DOCK1: variants seen among roughly 807,000 people sequenced by gnomAD.
DOCK1 encodes the protein dedicator of cytokinesis 1.
A neutral mutation model predicts 262.7 loss-of-function variants in DOCK1; 138 were observed. The ratio of observed to expected loss-of-function variants is 0.53; its 90% CI spans 0.46 to 0.61. The LOEUF is 0.61. Ranked by LOEUF, DOCK1 falls within the 20% of genes least tolerant of loss-of-function variation. DOCK1 has a pLI of 0.00. For missense variants in DOCK1, 1,908 were observed against 2,370.7 expected, an observed-to-expected ratio of 0.80 and a Z score of 4.05; for synonymous variants, 866 against 867.4, an observed-to-expected ratio of 1.00 and a Z score of 0.03.
At chr10:127,332,050 A>T (rs2063006617) in intron 29 of DOCK1, among the ~76,000 whole-genome samples, 2 of 152,116 alleles carry the variant, frequency 1.3e-5, no homozygotes, top group Admixed American at 1.3e-4. Flanking sequence ...AGGATTTCTT[A>T]CCTTTGGCCC....
At chr10:127,382,403 C>T (rs546950106) in intron 37 of DOCK1, among the ~76,000 whole-genome samples, 1 of 152,302 alleles carries the variant, frequency 6.6e-6, no homozygotes, top group East Asian at 1.9e-4. Flanking sequence ...CCCTAGAGAC[C>T]TGCGAGTATG....
At chr10:127,406,117 G>T (rs926516678) in intron 40 of DOCK1, among the ~76,000 whole-genome samples, 1 of 152,160 alleles carries the variant, frequency 6.6e-6, no homozygotes, top group African/African-American at 2.4e-5. Flanking sequence ...AAGCCATGCA[G>T]CCTTGTGCAG....
intron 49 of DOCK1, among the ~76,000 whole-genome samples, chr10:127,441,303 G>A (rs989443324): frequency 2.0e-5 from 3 of 152,166 alleles, no homozygotes; most frequent in African/African-American, 7.2e-5. Context: ...GCAGCCCCAC[G>A]AGGGCTGCCT....
At chr10:127,301,387 C>T (rs556880047) in intron 29 of DOCK1, among the ~76,000 whole-genome samples, 2 of 152,196 alleles carry the variant, frequency 1.3e-5, no homozygotes, top group Admixed American at 6.5e-5. Context: ...TAAATAACTC[C>T]GATATTAGGA....
intron 27 of DOCK1, among the ~76,000 whole-genome samples, chr10:127,226,065 G>A (rs1400690319): frequency 2.8e-5 from 4 of 144,250 alleles, no homozygotes; most frequent in African/African-American, 1.0e-4. Flanking sequence ...GCGATAGTGC[G>A]AGAGACTCTG....
At chr10:127,432,333 C>T (rs986906406) in intron 47 of DOCK1, among the ~76,000 whole-genome samples, 13 of 151,792 alleles carry the variant, frequency 8.6e-5, no homozygotes, top group African/African-American at 3.1e-4. Flanking sequence ...TTAATCTTAC[C>T]TGTAATCTAC....
rs1327312131 is a variant in DOCK1, at chr10:126,935,739, G to A, written c.46+30176G>A. Among the ~76,000 whole-genome samples, 10 of 152,356 alleles carry A rather than the reference G, an allele frequency of 6.6e-5. No homozygotes were observed. In the South Asian group the frequency reaches 1.2e-3, roughly 19 times the overall value. ...GTCCCAGCATCCTGTGAATCAGAGG[G>A]CAGTGCTGAATACTGCCTTGGGATC... On this transcript the variant is annotated intron_variant, in intron 1 of 51. Transcript: ENST00000623213.
intron 27 of DOCK1, among the ~76,000 whole-genome samples, chr10:127,203,638 C>T (rs982467636): frequency 3.3e-4 from 33 of 100,344 alleles, no homozygotes; most frequent in African/African-American, 1.2e-3. Context: ...CCATGTTTTC[C>T]GTAAACGTTT....
Position 127,008,784 on chromosome 10 carries a change from G to A in DOCK1, c.1038G>A (p.Gln346=), listed in dbSNP as rs759431307. Residue 346 remains glutamine (Q), a synonymous_variant, in exon 11 of 52, where the codon CAG becomes CAA. Coordinates refer to ENST00000623213, the MANE Select transcript of DOCK1 (RefSeq NM_001290223.2). The part of the protein sequence containing the change: ...INGKVDDEDK[Q]HFIPFQPLAL... ...GAAAAGTAGATGATGAAGATAAGCA[G>A]CATTTCATTCCCTTTCAGCCGTAAG... 1.9e-6 allele frequency: 3 copies of A among 1,601,070 alleles called. No homozygotes were observed. Among genetic ancestry groups the A allele is most frequent in the Non-Finnish European group, 2.6e-6 (3 of 1,173,170 alleles).
chr10:127,038,303 G>A (rs2043789077), intron 19 of DOCK1, among the ~76,000 whole-genome samples: 1 of 152,128 alleles, frequency 6.6e-6, no homozygotes, highest in East Asian at 1.9e-4. Flanking sequence ...CTTCTGGTTT[G>A]GGGGGACTCT....
At chr10:127,077,895 A>G (rs991419604) in intron 23 of DOCK1, among the ~76,000 whole-genome samples, 1 of 151,946 alleles carries the variant, frequency 6.6e-6, no homozygotes, top group Non-Finnish European at 1.5e-5. Context: ...GGAGCATTCC[A>G]TGGAGGGGCA....
chr10:127,419,736 T>A lies in DOCK1; in HGVS notation c.4763T>A (p.Leu1588Gln), dbSNP rs1165198053. 1.3e-6 allele frequency: 2 copies of A among 1,598,144 alleles called. No individual in the cohort carries two copies. The highest frequency in any genetic ancestry group is 2.7e-5 in the African/African-American group (2 of 74,526). ...AHEKIEKLKDLIAWQIPFLAE... is the reference protein window; with the variant it reads ...AHEKIEKLKDQIAWQIPFLAE... The stretch of plus-strand genomic sequence containing the variant: ...GAAAAGATCGAGAAGCTCAAGGACC[T>A]GATTGCTTGGCAGGTAAAGTGTCCA... Residue 1588 changes from leucine (L) to glutamine (Q), a missense_variant, in exon 46 of 52, where the codon CTG becomes CAG. Physicochemically the swap from Leu to Gln is moderately radical, Grantham distance 113 (BLOSUM62 -2). Transcript: ENST00000623213.
At chr10:127,225,879 C>A (rs2058616481) in intron 27 of DOCK1, among the ~76,000 whole-genome samples, 1 of 151,910 alleles carries the variant, frequency 6.6e-6, no homozygotes, top group Non-Finnish European at 1.5e-5. Context: ...GAGTTGGAGA[C>A]CAGCCTGACT....
chr10:126,913,309 G>C (rs946968383), intron 1 of DOCK1, among the ~76,000 whole-genome samples: 2 of 28,300 alleles, frequency 7.1e-5, no homozygotes, highest in African/African-American at 2.5e-4. Flanking sequence ...TTATGTTTTT[G>C]TAGCATGAGT....
chr10:126,949,133 C>T (rs1295776089), intron 1 of DOCK1, among the ~76,000 whole-genome samples: 1 of 152,102 alleles, frequency 6.6e-6, no homozygotes, highest in Non-Finnish European at 1.5e-5. Flanking sequence ...GCCTGGCACT[C>T]TGGGTTCCCC....
At chr10:126,986,493 C>T (rs900638688) in intron 4 of DOCK1, among the ~76,000 whole-genome samples, 1 of 152,226 alleles carries the variant, frequency 6.6e-6, no homozygotes, top group Admixed American at 6.5e-5. Flanking sequence ...CACAAATTCA[C>T]TCTCTCCCCC....
At chr10:127,023,407 G>A (rs7076668) in intron 14 of DOCK1, 83 bp downstream of exon 14, 85,521 of 1,556,724 alleles carry the variant, frequency 0.055, 2,779 homozygotes, top group Middle Eastern at 0.072. Context: ...CAGCATAGAT[G>A]TCGTCAGGGT....
At chr10:126,988,131 G>A (rs2039544772) in intron 5 of DOCK1, 1 of 151,796 alleles carries the variant, frequency 6.6e-6, no homozygotes, top group South Asian at 2.1e-4. Context: ...TTCTAGCTTC[G>A]TGTGCAATTG....
intron 27 of DOCK1, among the ~76,000 whole-genome samples, chr10:127,216,745 C>G (rs571328428): frequency 6.6e-6 from 1 of 152,288 alleles, no homozygotes; most frequent in East Asian, 1.9e-4. Context: ...TTTTCAAAAT[C>G]AGTGCCTTGT....
Sources: gnomAD v4.1 joint callset for allele counts (sites outside exome capture counted in the v4.1 genomes callset) on GRCh38, gnomAD v4.1.1 for gene constraint, MANE v1.5 for transcripts, NCBI Gene and HGNC (gene_info 2026-07-23, HGNC 2026-07-21) for gene names.